FAM219A: variants seen among roughly 807,000 people sequenced by gnomAD.
The protein encoded by FAM219A is protein FAM219A.
A neutral mutation model predicts 23.4 loss-of-function variants in FAM219A; 7 were observed. That is an observed-to-expected ratio of 0.30 (90% CI 0.17 to 0.56). The LOEUF (loss-of-function observed/expected upper bound fraction) is 0.56, where lower values mean the gene tolerates loss of function less well. Ranked by LOEUF, FAM219A falls within the 20% of genes least tolerant of loss-of-function variation. FAM219A has a pLI of 0.92. For synonymous variants in FAM219A, 93 were observed against 99.0 expected (o/e 0.94, Z 0.36); for missense variants, 166 against 246.9 (o/e 0.67, Z 2.20).
At chr9:34,416,199 G>A (rs533001635) in intron 1 of FAM219A, among the ~76,000 whole-genome samples, 1 of 63,862 alleles carries the variant, frequency 1.6e-5, no homozygotes, top group South Asian at 7.2e-4. Flanking sequence ...AAGAAAGAAA[G>A]AAAGAAAGAA....
intron 1 of FAM219A, among the ~76,000 whole-genome samples, chr9:34,412,366 G>C (rs1821853803): frequency 6.6e-6 from 1 of 152,134 alleles, no homozygotes. Context: ...GAGGTAATTG[G>C]GAAGAGTACT....
intron 1 of FAM219A, among the ~76,000 whole-genome samples, chr9:34,442,450 TGCGGCA>T (rs1823211689): frequency 6.6e-6 from 1 of 152,130 alleles, no homozygotes; most frequent in African/African-American, 2.4e-5. Context: ...TTCGGGAGCC[TGCGGCA>T]GGTGGATCAC....
intron 1 of FAM219A, among the ~76,000 whole-genome samples, chr9:34,433,119 C>T (rs1822776053): frequency 1.3e-5 from 2 of 152,192 alleles, no homozygotes; most frequent in East Asian, 3.8e-4. Flanking sequence ...CTTTCTCCTC[C>T]ATTTACTTAT....
chr9:34,412,085 A>G (rs1821843776), intron 1 of FAM219A, among the ~76,000 whole-genome samples: 2 of 152,292 alleles, frequency 1.3e-5, no homozygotes, highest in Middle Eastern at 3.4e-3. Context: ...GAGCCAATGA[A>G]GCCTTAAGCA....
intron 1 of FAM219A, among the ~76,000 whole-genome samples, chr9:34,450,206 A>T (rs1246531450): frequency 6.6e-6 from 1 of 151,464 alleles, no homozygotes; most frequent in East Asian, 2.0e-4. Context: ...CCAGCTACTC[A>T]GGAGGCTGAG....
intron 1 of FAM219A, among the ~76,000 whole-genome samples, chr9:34,438,476 C>T (rs1054934529): frequency 1.1e-4 from 16 of 152,198 alleles, no homozygotes; most frequent in African/African-American, 3.9e-4. Context: ...CCAATCAGCA[C>T]CCTGTGTCTA....
chr9:34,444,794 T>C (rs1823313451), intron 1 of FAM219A, among the ~76,000 whole-genome samples: 1 of 152,200 alleles, frequency 6.6e-6, no homozygotes, highest in Non-Finnish European at 1.5e-5. Flanking sequence ...CAGCCTTACC[T>C]GACATCCACA....
intron 1 of FAM219A, among the ~76,000 whole-genome samples, chr9:34,421,003 T>TGA (rs1389449891): frequency 4.3e-5 from 2 of 46,810 alleles, no homozygotes; most frequent in Admixed American, 1.9e-4. Context: ...TGTGTGTGTG[T>TGA]GTGTGTGAGA....
intron 5 of FAM219A, 111 bp from the exon 6 acceptor site, chr9:34,401,233 C>G (rs1821416017): frequency 3.8e-6 from 5 of 1,313,034 alleles, no homozygotes; most frequent in African/African-American, 1.5e-5. Context: ...CCCTGGATAT[C>G]AGCCCCGCCC....
intron 1 of FAM219A, among the ~76,000 whole-genome samples, chr9:34,438,684 T>C (rs1823033759): frequency 6.6e-6 from 1 of 152,156 alleles, no homozygotes. Context: ...ACACTGCGTA[T>C]CTAGCTACTC....
chr9:34,429,719 C>T (rs1296313271), intron 1 of FAM219A, among the ~76,000 whole-genome samples: 1 of 152,098 alleles, frequency 6.6e-6, no homozygotes. Flanking sequence ...TGCTACAACA[C>T]CCACCTCATG....
intron 1 of FAM219A, among the ~76,000 whole-genome samples, chr9:34,428,524 C>G (rs1324336947): frequency 1.3e-5 from 2 of 152,230 alleles, no homozygotes; most frequent in Non-Finnish European, 2.9e-5. Flanking sequence ...ATTCATGGGC[C>G]CTTGTTTGCA....
In FAM219A at chr9:34,457,977, T is replaced by C. The variant is rs1393635786; in HGVS notation, c.60+227A>G. 6.6e-6 allele frequency among the ~76,000 whole-genome samples: 1 copy of C among 152,144 alleles called. No homozygotes were observed. The highest frequency in any genetic ancestry group is 1.5e-5 in the Non-Finnish European group (1 of 68,020). On this transcript the variant is annotated intron_variant, in intron 1 of 5. Transcript: ENST00000651358. This position sits in a 1 kb window ranked among gnomAD's most constrained non-coding sequence, Gnocchi z 5.1. The stretch of plus-strand genomic sequence containing the variant: ...CCGTTCCATCCGACGGTGCCCTGCT[T>C]CCACCGACGGTGCCCTCCGCCCTTA...
In FAM219A at chr9:34,399,922, G is replaced by A. The variant is rs1330167247; in HGVS notation, c.*1042C>T. ...CCCACATCTATGACAGGAATAGACT[G>A]AGGAGAGACAGGTCCAACAGAGACA... On this transcript the variant is annotated 3_prime_UTR_variant, in exon 6 of 6. Coordinates refer to ENST00000651358, the MANE Select transcript of FAM219A (RefSeq NM_001184940.2). The A allele has an allele frequency of 6.5e-6, 1 of 152,680 alleles. No individual in the cohort carries two copies. Among genetic ancestry groups the A allele is most frequent in the Non-Finnish European group, 1.5e-5 (1 of 68,442 alleles). The allele number at this position is 152,680 out of a possible 1,614,324, so 9.5% of individuals were successfully genotyped here. A position where few individuals can be genotyped will look rare whatever the true frequency, so the allele number is the denominator to read the frequency against.
At chr9:34,416,273 G>GGAAGGAAGGAAGGAAGGAA (rs1822021123) in intron 1 of FAM219A, among the ~76,000 whole-genome samples, 1 of 114,086 alleles carries the variant, frequency 8.8e-6, no homozygotes, top group African/African-American at 3.5e-5. Flanking sequence ...GAGGGAGGGA[G>GGAAGGAAGGAAGGAAGGAA]GGAAGGAAGG....
Position 34,458,349 on chromosome 9 carries a change from C to G in FAM219A, c.-86G>C. On this transcript the variant is annotated 5_prime_UTR_variant, in exon 1 of 6. Coordinates refer to ENST00000651358, the MANE Select transcript of FAM219A (RefSeq NM_001184940.2). The surrounding 1 kb of genome is among the most constrained non-coding windows in gnomAD (Gnocchi z 6.6). The stretch of plus-strand genomic sequence containing the variant: ...CGGGGCGGCGGCCCCAGGAGCCCGG[C>G]GGGTGGTGCAGACTAGGCCTCCCCG... 1 of 1,057,576 alleles carries G rather than the reference C, an allele frequency of 9.5e-7. No homozygotes were observed. Among genetic ancestry groups the G allele is most frequent in the Non-Finnish European group, 1.2e-6 (1 of 842,568 alleles). The allele number at this position is 1,057,576 out of a possible 1,614,324, so 65.5% of individuals were successfully genotyped here.
intron 1 of FAM219A, among the ~76,000 whole-genome samples, chr9:34,412,967 A>C (rs1014678146): frequency 1.2e-4 from 18 of 152,202 alleles, no homozygotes; most frequent in Non-Finnish European, 2.2e-4. Context: ...AATGGGTGGC[A>C]GCCAGAGAGA....
intron 1 of FAM219A, among the ~76,000 whole-genome samples, chr9:34,452,734 C>G (rs1481905135): frequency 6.6e-6 from 1 of 152,148 alleles, no homozygotes; most frequent in Admixed American, 6.5e-5. Context: ...TCTTCCATGC[C>G]CTTTCTTGGC....
At position 34,406,803 on chromosome 9, in the gene FAM219A, C is replaced by CTT. The variant is rs34985382; in HGVS notation, c.61-841_61-840dup. The stretch of plus-strand genomic sequence containing the variant: ...GGCTGGGAACTATGTTGTCCAGAGT[C>CTT]TTTTTTTTTTTTTTTTTGAGACGGA... On this transcript the variant is annotated intron_variant, in intron 1 of 5. Transcript: ENST00000651358. Among the ~76,000 whole-genome samples the CTT allele has an allele frequency of 1.4e-3, 176 of 127,508 alleles. 2 individuals are homozygous for CTT. The highest frequency in any genetic ancestry group is 4.2e-3 in the Middle Eastern group (1 of 238). The allele number at this position is 127,508 out of a possible 152,430, so 83.7% of individuals were successfully genotyped here.
Sources: allele counts gnomAD v4.1 joint callset (sites outside exome capture counted in the v4.1 genomes callset), GRCh38; gene constraint gnomAD v4.1.1; non-coding constraint Gnocchi (gnomAD v3.1); transcripts MANE v1.5; gene names NCBI Gene and HGNC (gene_info 2026-07-23, HGNC 2026-07-21).